Variants in IQGAP3 observed in about 807,000 individuals in gnomAD.
IQGAP3 encodes the protein IQ motif containing GTPase activating protein 3, also known as ras GTPase-activating-like protein IQGAP3.
In IQGAP3, 165 loss-of-function variants were observed where a neutral mutation model predicts 208.2. That is an observed-to-expected ratio of 0.79 (90% CI 0.70 to 0.90). The LOEUF is 0.90. Among genes scored for constraint, IQGAP3 ranks in the 40% least tolerant of loss-of-function variants. The pLI is 0.00. For synonymous variants in IQGAP3, 703 were observed against 803.6 expected, an observed-to-expected ratio of 0.87 and a Z score of 2.12; for missense variants, 1,811 against 2,043.1, an observed-to-expected ratio of 0.89 and a Z score of 2.19.
rs1406641736 is a variant in IQGAP3, at chr1:156,566,051, T to G, written c.336A>C (p.Ala112=). 6.2e-7 allele frequency: 1 copy of G among 1,613,634 alleles called. No homozygotes were observed. The highest frequency in any genetic ancestry group is 8.5e-7 in the Non-Finnish European group (1 of 1,179,662). The change falls in exon 4 of 38, where the codon GCA becomes GCC. Residue 112 remains alanine (A), a synonymous_variant. Coordinates refer to ENST00000361170, the MANE Select transcript of IQGAP3 (RefSeq NM_178229.5). ...CCGAAGGCAGACCGATGTGGGCTAT[T>G]GCAGATAGCCAAAAGTTGATGTTGT... ...HTDNINFWLS[A]IAHIGLPSTF... is the part of the protein sequence containing the mutation.
At chr1:156,535,447 C>T (rs186893472) in intron 27 of IQGAP3, among the ~76,000 whole-genome samples, 200 bp from the exon 28 acceptor site, 28 of 152,270 alleles carry the variant, frequency 1.8e-4, no homozygotes, top group African/African-American at 5.8e-4. Flanking sequence ...TCCCTTCCTC[C>T]TGCCTTATGT....
rs199957120 is a variant in IQGAP3, at chr1:156,551,990, G to C, written c.1554C>G (p.Thr518=). Residue 518 remains threonine (T), a synonymous_variant, in exon 14 of 38, where the codon ACC becomes ACG. Coordinates refer to ENST00000361170, the MANE Select transcript of IQGAP3 (RefSeq NM_178229.5). ...TATACTTACGGTCAGTCTCTTCCTG[G>C]GTCTGTGCATTGACCTGGCTCACGG... is the stretch of plus-strand genomic sequence containing the variant. The part of the protein sequence containing the change: ...QATVSQVNAQ[T]QEETDRVLAV... The C allele has an allele frequency of 1.5e-5, 25 of 1,614,106 alleles. No homozygotes were observed. The highest frequency in any genetic ancestry group is 1.0e-5 in the Non-Finnish European group (12 of 1,179,986).
chr1:156,554,180 T>A (rs1419829899), intron 13 of IQGAP3, 55 bp downstream of exon 13: 5 of 1,539,444 alleles, frequency 3.2e-6, no homozygotes, highest in Non-Finnish European at 4.4e-6. Flanking sequence ...GAGTGCTGAG[T>A]CTTGGCTGCA....
intron 11 of IQGAP3, among the ~76,000 whole-genome samples, chr1:156,560,613 C>T (rs1676105486): frequency 6.6e-6 from 1 of 152,210 alleles, no homozygotes; most frequent in East Asian, 1.9e-4. Context: ...AAAATTACTA[C>T]ATTTCCGAAG....
At chr1:156,537,414 A>G in intron 26 of IQGAP3, 93 bp from the exon 27 acceptor site, 1 of 1,262,368 alleles carries the variant, frequency 7.9e-7, no homozygotes, top group Non-Finnish European at 1.1e-6. Flanking sequence ...TCTAACAACA[A>G]GATCTCATAC....
At chr1:156,526,919 G>A (rs778087537) in intron 37 of IQGAP3, among the ~76,000 whole-genome samples, 7 of 151,904 alleles carry the variant, frequency 4.6e-5, no homozygotes, top group Middle Eastern at 3.2e-3. Context: ...TGCAATCTCC[G>A]CCTCCCAGGT....
chr1:156,533,138 G>C (rs779495523), intron 31 of IQGAP3, 32 bp from the exon 32 acceptor site: 6 of 1,612,732 alleles, frequency 3.7e-6, no homozygotes, highest in Non-Finnish European at 4.2e-6. Context: ...GAGGGAGACA[G>C]GCATACACAC....
At position 156,548,863 on chromosome 1, in the gene IQGAP3, A is replaced by C. The variant is rs1041469992; in HGVS notation, c.1826-115T>G. Reference sequence around the variant, plus strand: ...AAGAGGACACAAAATCACCCTTCTGAAGGAGTAGACGGGAACATCCCAGGA... The same window carrying C: ...AAGAGGACACAAAATCACCCTTCTGCAGGAGTAGACGGGAACATCCCAGGA... On this transcript the variant is annotated intron_variant, in intron 16 of 37. Transcript: ENST00000361170. 6.6e-6 allele frequency: 7 copies of C among 1,068,416 alleles called. No individual in the cohort carries two copies. In the South Asian group the frequency reaches 1.4e-4, roughly 22 times the overall value. 66.2% of individuals were successfully genotyped at this position (1,068,416 alleles called of 1,614,324 possible). A position where few individuals can be genotyped will look rare whatever the true frequency, so the allele number is the denominator to read the frequency against.
chr1:156,532,376 G>T (rs1354451196), intron 32 of IQGAP3, among the ~76,000 whole-genome samples: 1 of 117,974 alleles, frequency 8.5e-6, no homozygotes, highest in African/African-American at 3.6e-5. Flanking sequence ...GACAGAATGA[G>T]ACTCCATCTC....
chr1:156,572,388 C>T, intron 1 of IQGAP3, 105 bp downstream of exon 1: 2 of 1,277,018 alleles, frequency 1.6e-6, no homozygotes, highest in Non-Finnish European at 2.3e-6. Context: ...CGCCCTCGCC[C>T]CTCAGGCTTC....
At chr1:156,548,772 C>A (rs964686096) in intron 16 of IQGAP3, 24 bp from the exon 17 acceptor site, 4 of 1,529,910 alleles carry the variant, frequency 2.6e-6, no homozygotes, top group Non-Finnish European at 3.5e-6. Flanking sequence ...CAGGAGAGAG[C>A]AGTCAATCCT....
chr1:156,530,465 C>A (rs750722564), intron 33 of IQGAP3, 148 bp from the exon 34 acceptor site: 12 of 644,532 alleles, frequency 1.9e-5, no homozygotes, highest in Non-Finnish European at 2.7e-5. Flanking sequence ...CCAGCCTCTG[C>A]AGGATATGGC....
intron 16 of IQGAP3, 98 bp downstream of exon 16, chr1:156,550,163 G>T: frequency 1.3e-6 from 1 of 789,494 alleles, no homozygotes; most frequent in East Asian, 2.6e-5. Context: ...GTTGAAGGGA[G>T]AGGGTGGTGA....
At position 156,539,539 on chromosome 1, in the gene IQGAP3, TGCAA is replaced by T; in HGVS notation, c.2893-6_2893-3del. 6.2e-7 allele frequency: 1 copy of T among 1,614,152 alleles called. No homozygotes were observed. The highest frequency in any genetic ancestry group is 8.5e-7 in the Non-Finnish European group (1 of 1,180,000). On this transcript the variant is annotated splice_polypyrimidine_tract_variant and splice_region_variant and intron_variant, in intron 24 of 37. Transcript: ENST00000361170. ...CTTGGCCAGGTAGATGGGCTGAGTC[TGCAA>T]GCAAGAGGGGAGACAGGAATGGCTG... is the stretch of plus-strand genomic sequence containing the variant.
At chr1:156,561,810 G>A (rs1458486363) in intron 10 of IQGAP3, 28 bp downstream of exon 10, 2 of 1,609,572 alleles carry the variant, frequency 1.2e-6, no homozygotes, top group African/African-American at 1.3e-5. Context: ...CACATACAGG[G>A]GGTGGCAGGT....
At position 156,571,462 on chromosome 1, in the gene IQGAP3, C is replaced by T. The variant is rs189078822; in HGVS notation, c.37+1031G>A. On this transcript the variant is annotated intron_variant, in intron 1 of 37. Transcript: ENST00000361170. ...GCAGTTAAGTAAATTAAAACACATG[C>T]GTGCACACACACACACACCCCTCCA... Among the ~76,000 whole-genome samples, 45 of 152,228 alleles carry T rather than the reference C, an allele frequency of 3.0e-4. No homozygotes were observed. In the East Asian group the frequency reaches 7.5e-3, roughly 25 times the overall value.
chr1:156,569,531 T>A, intron 1 of IQGAP3, 68 bp from the exon 2 acceptor site: 2 of 576,086 alleles, frequency 3.5e-6, no homozygotes, highest in Non-Finnish European at 2.6e-6. Flanking sequence ...GAAGGGTCTT[T>A]TTTTTTTTTT....
chr1:156,535,053 T>G, intron 28 of IQGAP3, 110 bp downstream of exon 28: 1 of 871,062 alleles, frequency 1.1e-6, no homozygotes, highest in Non-Finnish European at 1.9e-6. Flanking sequence ...TTTCCCTCCT[T>G]GGATTTTTAT....
Position 156,531,231 on chromosome 1 carries a change from C to T in IQGAP3, c.4120G>A (p.Ala1374Thr), listed in dbSNP as rs761540898. ...CCAGGATGGAACTGTATGATATCGG[C>T]CAACAGCTGCTTGGTGCTGCACAAG... The part of the protein sequence containing the change: ...SLLLSTKQLL[A>T]DIIQFHPGDT... Residue 1374 changes from alanine (A) to threonine (T), a missense_variant, in exon 33 of 38, where the codon GCC becomes ACC. Transcript: ENST00000361170. 1.2e-6 allele frequency: 2 copies of T among 1,613,654 alleles called. No individual in the cohort carries two copies. Among genetic ancestry groups the T allele is most frequent in the East Asian group, 2.2e-5 (1 of 44,854 alleles).
Sources: allele counts gnomAD v4.1 joint callset (sites outside exome capture counted in the v4.1 genomes callset), GRCh38; gene constraint gnomAD v4.1.1; transcripts MANE v1.5; gene names NCBI Gene and HGNC (gene_info 2026-07-23, HGNC 2026-07-21).